ARHGEF38: variants seen among roughly 807,000 people sequenced by gnomAD.
The protein encoded by ARHGEF38 is Rho guanine nucleotide exchange factor 38.
In ARHGEF38, 79 loss-of-function variants were observed where a neutral mutation model predicts 79.9. That is an observed-to-expected ratio of 0.99 (90% confidence interval 0.82 to 1.19). The LOEUF (loss-of-function observed/expected upper bound fraction) is 1.19. ARHGEF38 is among the 50% of genes most tolerant of loss of function. The pLI is 0.00. For synonymous variants in ARHGEF38, 366 were observed against 328.3 expected (o/e 1.11, Z -1.24); for missense variants, 962 against 907.2 (o/e 1.06, Z -0.78).
At chr4:105,645,501 A>G in intron 6 of ARHGEF38, 114 bp downstream of exon 6, 1 of 890,388 alleles carries the variant, frequency 1.1e-6, no homozygotes, top group Non-Finnish European at 1.6e-6. Flanking sequence ...TGATCATTTG[A>G]AATCTACAAT....
At chr4:105,674,652 T>C (rs1731059520) in intron 13 of ARHGEF38, among the ~76,000 whole-genome samples, 2 of 152,046 alleles carry the variant, frequency 1.3e-5, no homozygotes, top group African/African-American at 2.4e-5. Context: ...CCATTTAACA[T>C]AAATTATATA....
At chr4:105,635,506 A>C (rs1407267429) in intron 4 of ARHGEF38, among the ~76,000 whole-genome samples, 1 of 152,078 alleles carries the variant, frequency 6.6e-6, no homozygotes, top group Admixed American at 6.6e-5. Context: ...TTTCAACTTC[A>C]ATGTATGTGT....
intron 5 of ARHGEF38, among the ~76,000 whole-genome samples, chr4:105,637,403 GTCTTT>G (rs771746629): frequency 5.3e-5 from 8 of 152,050 alleles, no homozygotes; most frequent in Non-Finnish European, 1.0e-4. Context: ...CACTTTATCA[GTCTTT>G]TCTTTTCTTT....
At chr4:105,643,872 CTTT>C (rs5860804) in intron 5 of ARHGEF38, among the ~76,000 whole-genome samples, 21 of 98,080 alleles carry the variant, frequency 2.1e-4, no homozygotes, top group Admixed American at 3.5e-4. Context: ...TGCCTTCCTA[CTTT>C]TTTTTTTTTT....
At chr4:105,669,165 T>C (rs1280747158) in intron 13 of ARHGEF38, among the ~76,000 whole-genome samples, 1 of 152,184 alleles carries the variant, frequency 6.6e-6, no homozygotes, top group Non-Finnish European at 1.5e-5. Flanking sequence ...ACAAACACAT[T>C]TATACCAGTG....
chr4:105,677,973 T>C lies in ARHGEF38; in HGVS notation c.*36T>C. On this transcript the variant is annotated 3_prime_UTR_variant, in exon 14 of 14. Transcript: ENST00000420470. The stretch of plus-strand genomic sequence containing the variant: ...CTTCAACTTTTATTTTCCAGCAAGT[T>C]GTTGATTGACTACCTCATAAAACTG... The C allele has an allele frequency of 6.9e-7, 1 of 1,459,308 alleles. No individual in the cohort carries two copies. The highest frequency in any genetic ancestry group is 9.1e-7 in the Non-Finnish European group (1 of 1,101,464). 90.4% of individuals were successfully genotyped at this position (1,459,308 alleles called of 1,614,324 possible). A position where few individuals can be genotyped will look rare whatever the true frequency, so the allele number is the denominator to read the frequency against.
chr4:105,649,333 A>C (rs1729992623), intron 7 of ARHGEF38, among the ~76,000 whole-genome samples: 1 of 152,182 alleles, frequency 6.6e-6, no homozygotes, highest in Non-Finnish European at 1.5e-5. Flanking sequence ...GTGCATTAAG[A>C]ATTACCTAAA....
intron 3 of ARHGEF38, among the ~76,000 whole-genome samples, chr4:105,620,016 A>C (rs1318374216): frequency 1.3e-5 from 2 of 152,152 alleles, no homozygotes; most frequent in Non-Finnish European, 2.9e-5. Context: ...CTATGAAGAA[A>C]ATTTTACTCA....
intron 3 of ARHGEF38, among the ~76,000 whole-genome samples, chr4:105,629,804 G>C (rs1485378893): frequency 1.3e-5 from 2 of 152,046 alleles, no homozygotes; most frequent in Non-Finnish European, 2.9e-5. Context: ...TAAATGCCTG[G>C]ATACAATTAG....
intron 2 of ARHGEF38, among the ~76,000 whole-genome samples, chr4:105,608,977 T>C (rs376167096): frequency 1.3e-5 from 2 of 152,108 alleles, no homozygotes; most frequent in African/African-American, 4.8e-5. Flanking sequence ...ACTCTGATTA[T>C]TGTTTTCTTT....
chr4:105,649,774 T>C (rs1280004479), intron 7 of ARHGEF38, among the ~76,000 whole-genome samples: 1 of 152,166 alleles, frequency 6.6e-6, no homozygotes, highest in Non-Finnish European at 1.5e-5. Flanking sequence ...CAGCCCCTTC[T>C]TCCTCTGGAA....
intron 13 of ARHGEF38, 135 bp downstream of exon 13, chr4:105,667,838 G>A (rs1262294800): frequency 9.7e-7 from 1 of 1,031,304 alleles, no homozygotes; most frequent in Non-Finnish European, 1.4e-6. Flanking sequence ...TATTAGCACA[G>A]TGGATCTTTT....
intron 1 of ARHGEF38, among the ~76,000 whole-genome samples, chr4:105,572,135 A>AC (rs1316387846): frequency 1.3e-5 from 2 of 152,084 alleles, no homozygotes; most frequent in Admixed American, 6.6e-5. Flanking sequence ...CTCACAGAAG[A>AC]CTTTTTTTTA....
Position 105,654,089 on chromosome 4 carries a change from G to T in ARHGEF38, c.1033G>T (p.Glu345Ter), listed in dbSNP as rs898314850. 1 of 1,512,530 alleles carries T rather than the reference G, an allele frequency of 6.6e-7. No homozygotes were observed. The highest frequency in any genetic ancestry group is 2.0e-5 in the Admixed American group (1 of 50,424). 93.7% of individuals were successfully genotyped at this position (1,512,530 alleles called of 1,614,324 possible). Residue 345 changes from glutamate (E) to a stop codon, truncating the protein, a stop_gained, in exon 8 of 14, where the codon GAA becomes TAA. Transcript: ENST00000420470. LOFTEE classifies it high-confidence loss of function. The part of the protein sequence containing the change: ...SQVKDNTFNR[E>*]EKLFRALEKT... The stretch of plus-strand genomic sequence containing the variant: ...GGTTAAAGACAATACCTTTAACAGA[G>T]AAGAAAAGCTGTTTAGAGCTTTAGA...
intron 13 of ARHGEF38, among the ~76,000 whole-genome samples, chr4:105,670,858 A>C (rs1409552640): frequency 6.6e-6 from 1 of 152,120 alleles, no homozygotes; most frequent in East Asian, 1.9e-4. Flanking sequence ...CTTGATGTTG[A>C]GTTCTTGTTC....
intron 1 of ARHGEF38, among the ~76,000 whole-genome samples, chr4:105,580,783 G>C (rs1401688218): frequency 6.6e-6 from 1 of 152,132 alleles, no homozygotes. Flanking sequence ...CACTATTTCA[G>C]TTCACTACAA....
At chr4:105,667,375 C>T in intron 12 of ARHGEF38, 48 bp downstream of exon 12, 1 of 1,532,496 alleles carries the variant, frequency 6.5e-7, no homozygotes, top group Non-Finnish European at 8.7e-7. Context: ...TGAGATTTTT[C>T]TGAGGGCACA....
chr4:105,657,268 A>G (rs1730371736), intron 9 of ARHGEF38, among the ~76,000 whole-genome samples: 1 of 152,172 alleles, frequency 6.6e-6, no homozygotes, highest in African/African-American at 2.4e-5. Context: ...CTCAGCAAGC[A>G]TGCTCCAGAC....
chr4:105,625,162 C>T (rs1728891936), intron 3 of ARHGEF38, among the ~76,000 whole-genome samples: 1 of 152,118 alleles, frequency 6.6e-6, no homozygotes, highest in African/African-American at 2.4e-5. Flanking sequence ...CATAGTTTTT[C>T]TTGTTAATAC....
Sources: gnomAD v4.1 joint callset for allele counts (sites outside exome capture counted in the v4.1 genomes callset) on GRCh38, gnomAD v4.1.1 for gene constraint, MANE v1.5 for transcripts, NCBI Gene and HGNC (gene_info 2026-07-23, HGNC 2026-07-21) for gene names.